Variants in SPON1 observed in about 807,000 individuals in gnomAD.
The protein encoded by SPON1 is spondin 1.
A neutral mutation model predicts 111.7 loss-of-function variants in SPON1; 52 were observed. The observed-to-expected ratio is 0.47, with a 90% CI of 0.37 to 0.59. SPON1 has a LOEUF of 0.59. SPON1 is among the 20% of genes least tolerant of loss of function. SPON1 has a pLI of 0.00. For missense variants in SPON1, 957 were observed against 1,068.5 expected, an observed-to-expected ratio of 0.90 and a Z score of 1.46; for synonymous variants, 410 against 395.8, an observed-to-expected ratio of 1.04 and a Z score of -0.43.
intron 6 of SPON1, among the ~76,000 whole-genome samples, chr11:14,160,597 T>TTA (rs1158557020): frequency 4.2e-5 from 1 of 24,022 alleles, no homozygotes; most frequent in African/African-American, 1.5e-4. Context: ...ATATATATAT[T>TTA]TATATATATT....
intron 2 of SPON1, among the ~76,000 whole-genome samples, chr11:13,990,690 A>G (rs1848222607): frequency 6.6e-6 from 1 of 151,588 alleles, no homozygotes; most frequent in Non-Finnish European, 1.5e-5. Flanking sequence ...CATTTGGCAT[A>G]TTTTTGCGGT....
At chr11:14,044,677 A>C (rs1055732416) in intron 3 of SPON1, among the ~76,000 whole-genome samples, 1 of 152,208 alleles carries the variant, frequency 6.6e-6, no homozygotes, top group African/African-American at 2.4e-5. Context: ...ACACAAAGGC[A>C]ATAATAGAAT....
At chr11:14,018,042 A>T (rs1295342804) in intron 2 of SPON1, among the ~76,000 whole-genome samples, 2 of 152,302 alleles carry the variant, frequency 1.3e-5, no homozygotes, top group East Asian at 3.9e-4. Flanking sequence ...TTTTAAGAAG[A>T]CTTTGCTGGA....
chr11:14,246,670 G>A (rs1164162795), intron 7 of SPON1, among the ~76,000 whole-genome samples: 1 of 152,154 alleles, frequency 6.6e-6, no homozygotes, highest in African/African-American at 2.4e-5. Flanking sequence ...ATCCTTGATA[G>A]GAGGGTCCCC....
intron 2 of SPON1, among the ~76,000 whole-genome samples, chr11:14,037,187 T>C (rs993322370): frequency 6.6e-6 from 1 of 152,122 alleles, no homozygotes; most frequent in African/African-American, 2.4e-5. Flanking sequence ...TGTATACATA[T>C]GCCATGTTGG....
At chr11:14,254,455 C>A in intron 7 of SPON1, 73 bp from the exon 8 acceptor site, 1 of 1,310,890 alleles carries the variant, frequency 7.6e-7, no homozygotes, top group Non-Finnish European at 1.0e-6. Flanking sequence ...CTTCATAATC[C>A]AGGCAGATTT....
chr11:14,001,806 A>T (rs1848321093), intron 2 of SPON1, among the ~76,000 whole-genome samples: 1 of 152,246 alleles, frequency 6.6e-6, no homozygotes, highest in African/African-American at 2.4e-5. Context: ...ATTACAAAAG[A>T]TGTAACATAC....
intron 5 of SPON1, among the ~76,000 whole-genome samples, chr11:14,124,466 C>T (rs1475222095): frequency 1.3e-5 from 2 of 152,178 alleles, no homozygotes; most frequent in African/African-American, 4.8e-5. Context: ...GTATCACCCA[C>T]GCTTTATTGT....
intron 5 of SPON1, among the ~76,000 whole-genome samples, chr11:14,104,808 A>T (rs1849172471): frequency 6.6e-6 from 1 of 152,116 alleles, no homozygotes; most frequent in African/African-American, 2.4e-5. Flanking sequence ...CTGGTCCATT[A>T]GTGGGTGACC....
At chr11:14,254,023 G>A (rs368964516) in intron 7 of SPON1, among the ~76,000 whole-genome samples, 7 of 152,224 alleles carry the variant, frequency 4.6e-5, no homozygotes, top group South Asian at 2.1e-4. Flanking sequence ...CCAGCAACTG[G>A]GGGTGTCGGC....
intron 3 of SPON1, among the ~76,000 whole-genome samples, chr11:14,069,412 T>C (rs543282818): frequency 3.9e-5 from 6 of 152,324 alleles, no homozygotes; most frequent in African/African-American, 9.6e-5. Flanking sequence ...ATGTGTCTCA[T>C]AGAGTCTCTA....
intron 3 of SPON1, among the ~76,000 whole-genome samples, chr11:14,073,451 A>G (rs528211338): frequency 1.6e-4 from 25 of 152,038 alleles, no homozygotes; most frequent in African/African-American, 5.8e-4. Context: ...AATCTGTACT[A>G]CCTCCCTGAC....
chr11:14,028,353 G>A (rs183482545), intron 2 of SPON1, among the ~76,000 whole-genome samples: 75 of 152,000 alleles, frequency 4.9e-4, no homozygotes, highest in Middle Eastern at 6.8e-3. Flanking sequence ...CGGCATGGTG[G>A]CGTGTGCCTG....
rs781882826 is a variant in SPON1, at chr11:14,259,462, C to T, written c.1663+12C>T. ...CAACGAGGAGTGCTGTGAGTGGGGG[C>T]CCCGGGCGGGCAGGCGGGCAAGTAG... On this transcript the variant is annotated intron_variant, in intron 12 of 15. Coordinates refer to ENST00000576479, the MANE Select transcript of SPON1 (RefSeq NM_006108.4). This position sits in a 1 kb window ranked among gnomAD's most constrained non-coding sequence, Gnocchi z 5.0. 3.7e-6 allele frequency: 6 copies of T among 1,601,964 alleles called. No individual in the cohort carries two copies. Among genetic ancestry groups the T allele is most frequent in the Non-Finnish European group, 5.1e-6 (6 of 1,174,446 alleles).
At chr11:13,969,579 G>T (rs2133773615) in intron 1 of SPON1, among the ~76,000 whole-genome samples, 1 of 152,192 alleles carries the variant, frequency 6.6e-6, no homozygotes. Context: ...AACCCACTGG[G>T]GTATACATTC....
Position 14,022,787 on chromosome 11 carries a change from G to T in SPON1, c.346-18734G>T, listed in dbSNP as rs539190664. On this transcript the variant is annotated intron_variant, in intron 2 of 15. Coordinates refer to ENST00000576479, the MANE Select transcript of SPON1 (RefSeq NM_006108.4). ...CATAGGGAAGAGAAGGCAATGTTTT[G>T]GGTTCTTTACCCACATTTTGCCCAT... Among the ~76,000 whole-genome samples the T allele has an allele frequency of 8.5e-5, 13 of 152,286 alleles. No individual in the cohort carries two copies. The South Asian group carries it at 2.3e-3, about 27-fold the overall frequency.
chr11:14,159,057 G>A (rs1244988868), intron 6 of SPON1, among the ~76,000 whole-genome samples: 1 of 151,896 alleles, frequency 6.6e-6, no homozygotes, highest in Non-Finnish European at 1.5e-5. Flanking sequence ...TTCCTTCAAT[G>A]TGAGTGCCTT....
chr11:14,222,773 G>A (rs1200410798), intron 6 of SPON1, among the ~76,000 whole-genome samples: 1 of 152,138 alleles, frequency 6.6e-6, no homozygotes, highest in African/African-American at 2.4e-5. Flanking sequence ...AAAAAATTAA[G>A]CCCTGATTTA....
chr11:14,243,366 C>A lies in SPON1; in HGVS notation c.860C>A (p.Ala287Asp). The A allele has an allele frequency of 6.3e-7, 1 of 1,584,660 alleles. No homozygotes were observed. The highest frequency in any genetic ancestry group is 1.8e-5 in the Admixed American group (1 of 55,532). The change falls in exon 7 of 16, where the codon GCC (alanine) becomes GAC (aspartate). Residue 287 changes from alanine (A) to aspartate (D), a missense_variant. Ala to Asp is a moderately radical substitution (Grantham distance 126). Around this residue, in one of 5 missense-constraint regions of SPON1, gnomAD observed 122 missense variants for 143.2 expected, o/e 0.85. Coordinates refer to ENST00000576479, the MANE Select transcript of SPON1 (RefSeq NM_006108.4). ...GTCCTCACCGTCATCAAAGCCAAAG[C>A]CCAATGGCCAGCCTGGCAGCCTCTC... Reference protein sequence around the residue: ...DEVLTVIKAKAQWPAWQPLNV... With the variant: ...DEVLTVIKAKDQWPAWQPLNV...
Sources: allele counts gnomAD v4.1 joint callset (sites outside exome capture counted in the v4.1 genomes callset), GRCh38; gene constraint gnomAD v4.1.1; regional missense constraint gnomAD v4.1.1; non-coding constraint Gnocchi (gnomAD v3.1); transcripts MANE v1.5; gene names NCBI Gene and HGNC (gene_info 2026-07-23, HGNC 2026-07-21).